The following VAV3 variants were observed in gnomAD, a reference collection of about 807,000 sequenced individuals.
VAV3 encodes the protein vav guanine nucleotide exchange factor 3.
In VAV3, 94 loss-of-function variants were observed where a neutral mutation model predicts 131.2. The ratio of observed to expected loss-of-function variants is 0.72; its 90% CI spans 0.61 to 0.85. The LOEUF (loss-of-function observed/expected upper bound fraction) is 0.85, where lower values mean the gene tolerates loss of function less well. VAV3 is among the 40% of genes least tolerant of loss of function. VAV3 has a pLI of 0.00. For synonymous variants in VAV3, 349 were observed against 342.0 expected (o/e 1.02, Z -0.22); for missense variants, 939 against 1,002.7 (o/e 0.94, Z 0.86).
At chr1:107,768,210 T>G (rs916380837) in intron 7 of VAV3, among the ~76,000 whole-genome samples, 42 of 152,202 alleles carry the variant, frequency 2.8e-4, no homozygotes, top group South Asian at 2.1e-4. Flanking sequence ...TGAAAGTTAT[T>G]TTTCCATTTG....
At chr1:107,945,481 A>G (rs1674204836) in intron 1 of VAV3, among the ~76,000 whole-genome samples, 1 of 152,206 alleles carries the variant, frequency 6.6e-6, no homozygotes. Flanking sequence ...ATCAACAGTG[A>G]ATAAAAATAT....
At chr1:107,600,439 T>A (rs1255492150) in intron 24 of VAV3, among the ~76,000 whole-genome samples, 1 of 152,216 alleles carries the variant, frequency 6.6e-6, no homozygotes, top group Non-Finnish European at 1.5e-5. Context: ...TTTAACACGC[T>A]GTGATACGTG....
chr1:107,597,255 C>T (rs570288775), intron 24 of VAV3, among the ~76,000 whole-genome samples: 173 of 150,840 alleles, frequency 1.1e-3, no homozygotes, highest in African/African-American at 4.2e-3. Flanking sequence ...AAAAAAACCA[C>T]TTGTTTCTTC....
intron 1 of VAV3, among the ~76,000 whole-genome samples, chr1:107,905,265 C>T (rs1672049253): frequency 6.6e-6 from 1 of 152,198 alleles, no homozygotes; most frequent in Admixed American, 6.5e-5. Context: ...CTTCATACAA[C>T]ACTTTCTCAA....
chr1:107,821,939 C>T (rs572065414), intron 2 of VAV3, among the ~76,000 whole-genome samples: 1 of 152,268 alleles, frequency 6.6e-6, no homozygotes, highest in East Asian at 1.9e-4. Context: ...TACTGCTTTG[C>T]TTTTGGAGCA....
At chr1:107,581,858 C>T (rs17477236) in intron 25 of VAV3, among the ~76,000 whole-genome samples, 1 of 152,058 alleles carries the variant, frequency 6.6e-6, no homozygotes, top group Non-Finnish European at 1.5e-5. Context: ...CCAACCTAAT[C>T]GACACTCTTC....
At chr1:107,666,350 T>A (rs6681111) in intron 19 of VAV3, among the ~76,000 whole-genome samples, 7,978 of 152,234 alleles carry the variant, frequency 0.052, 511 homozygotes, top group African/African-American at 0.15. Flanking sequence ...CTCAAAAATA[T>A]AGTTCTTGGA....
chr1:107,766,055 A>C (rs1013950889), intron 8 of VAV3, among the ~76,000 whole-genome samples: 56 of 152,176 alleles, frequency 3.7e-4, no homozygotes, highest in African/African-American at 1.3e-3. Flanking sequence ...ATTGGAAGAA[A>C]AGTGGAAGAA....
At chr1:107,704,484 T>C (rs987297316) in intron 17 of VAV3, 66 bp downstream of exon 17, 2 of 1,287,480 alleles carry the variant, frequency 1.6e-6, no homozygotes, top group African/African-American at 2.9e-5. Context: ...AAATTAGGCC[T>C]TAATTATGTT....
intron 22 of VAV3, 106 bp downstream of exon 22, chr1:107,609,825 G>T: frequency 1.7e-6 from 2 of 1,171,148 alleles, no homozygotes; most frequent in Non-Finnish European, 2.5e-6. Flanking sequence ...ACCTTTAGCC[G>T]AGACAAATGG....
intron 18 of VAV3, chr1:107,685,660 G>A (rs955378667): frequency 1.1e-4 from 17 of 151,968 alleles, no homozygotes; most frequent in Admixed American, 5.9e-4. Flanking sequence ...GAATTTTCAC[G>A]CCCCTAAACC....
intron 21 of VAV3, among the ~76,000 whole-genome samples, chr1:107,613,673 T>A (rs972937432): frequency 6.6e-5 from 10 of 152,126 alleles, no homozygotes; most frequent in South Asian, 2.1e-4. Context: ...TATATTTTAT[T>A]GTTTCTGCTG....
At chr1:107,634,862 T>A (rs1222479152) in intron 20 of VAV3, among the ~76,000 whole-genome samples, 3 of 151,972 alleles carry the variant, frequency 2.0e-5, no homozygotes, top group Non-Finnish European at 4.4e-5. Context: ...GAAAGACACA[T>A]GAAAAAATGC....
intron 19 of VAV3, among the ~76,000 whole-genome samples, chr1:107,669,950 A>C (rs1657665345): frequency 6.6e-6 from 1 of 152,198 alleles, no homozygotes; most frequent in Admixed American, 6.5e-5. Flanking sequence ...AATAAAGATG[A>C]TTTCACAACT....
intron 20 of VAV3, among the ~76,000 whole-genome samples, chr1:107,634,969 A>G (rs11185152): frequency 0.13 from 19,088 of 151,516 alleles, 1,416 homozygotes; most frequent in South Asian, 0.25. Context: ...GTCAGGAAAC[A>G]ACAGGTGCTG....
rs1367086978 is a variant in VAV3 at position 107,952,532 on chromosome 1, C to T, written c.204+12134G>A. On this transcript the variant is annotated intron_variant, in intron 1 of 26. Coordinates refer to ENST00000370056, the MANE Select transcript of VAV3 (RefSeq NM_006113.5). ...AAAAAGAAAGACAGGAGAGAAATAC[C>T]TTGAGCCATGCACACACATAAATAA... 3.7e-5 allele frequency among the ~76,000 whole-genome samples: 5 copies of T among 136,810 alleles called. No homozygotes were observed. In the East Asian group the frequency reaches 9.3e-4, roughly 26 times the overall value. The allele number at this position is 136,810 out of a possible 152,430, so 89.8% of individuals were successfully genotyped here.
At position 107,735,208 on chromosome 1, in the gene VAV3, G is replaced by T. The variant is rs200829526; in HGVS notation, c.1502+13760C>A. Among the ~76,000 whole-genome samples, 34 of 152,316 alleles carry T rather than the reference G, an allele frequency of 2.2e-4. No homozygotes were observed. The East Asian group carries it at 6.2e-3, about 28-fold the overall frequency. On this transcript the variant is annotated intron_variant, in intron 15 of 26. Transcript: ENST00000370056. The stretch of plus-strand genomic sequence containing the variant: ...GAATCTCTGGGACACATTTAAAGCA[G>T]TGTGTAGAGGGAAATTTATAGCACT...
At position 107,704,563 on chromosome 1, in the gene VAV3, T is replaced by C; in HGVS notation, c.1692A>G (p.Arg564=). The C allele has an allele frequency of 3.1e-6, 5 of 1,613,354 alleles. No homozygotes were observed. The highest frequency in any genetic ancestry group is 4.2e-6 in the Non-Finnish European group (5 of 1,179,416). Residue 564 remains arginine (R), a synonymous_variant, in exon 17 of 27, where the codon AGA becomes AGG. Coordinates refer to ENST00000370056, the MANE Select transcript of VAV3 (RefSeq NM_006113.5). ...ECLGRVDNCG[R]VNSGEQGTLK... Reference sequence around the variant, plus strand: ...AACATGACTTACCACCAGAATTAACTCTGCCACAATTGTCTACTCTTCCCA... The same window carrying C: ...AACATGACTTACCACCAGAATTAACCCTGCCACAATTGTCTACTCTTCCCA...
At chr1:107,953,618 A>C (rs1346599893) in intron 1 of VAV3, among the ~76,000 whole-genome samples, 1 of 152,208 alleles carries the variant, frequency 6.6e-6, no homozygotes, top group Non-Finnish European at 1.5e-5. Context: ...CCAGAGGCAA[A>C]GAGAAGGAAA....
Sources: gnomAD v4.1 joint callset for allele counts (sites outside exome capture counted in the v4.1 genomes callset) on GRCh38, gnomAD v4.1.1 for gene constraint, MANE v1.5 for transcripts, NCBI Gene and HGNC (gene_info 2026-07-23, HGNC 2026-07-21) for gene names.